The following ZBTB20 variants were observed in gnomAD, a reference collection of about 807,000 sequenced individuals.
The protein encoded by ZBTB20 is zinc finger and BTB domain containing 20.
In ZBTB20, 9 loss-of-function variants were observed where a neutral mutation model predicts 56.9. The ratio of observed to expected loss-of-function variants is 0.16; its 90% CI spans 0.10 to 0.28. ZBTB20 has a LOEUF of 0.28. Among genes scored for constraint, ZBTB20 ranks in the 10% least tolerant of loss-of-function variants. ZBTB20 has a pLI of 1.00. For missense variants in ZBTB20, 655 were observed against 1,003.0 expected, an observed-to-expected ratio of 0.65 and a Z score of 4.69; for synonymous variants, 417 against 420.7, an observed-to-expected ratio of 0.99 and a Z score of 0.11.
At chr3:114,523,466 G>A (rs1317136843) in intron 6 of ZBTB20, among the ~76,000 whole-genome samples, 1 of 152,160 alleles carries the variant, frequency 6.6e-6, no homozygotes, top group Non-Finnish European at 1.5e-5. Flanking sequence ...GTATTTTTAG[G>A]ATGAGATAAA....
At chr3:114,669,108 T>A (rs1262971589) in intron 6 of ZBTB20, among the ~76,000 whole-genome samples, 1 of 152,056 alleles carries the variant, frequency 6.6e-6, no homozygotes, top group Non-Finnish European at 1.5e-5. Flanking sequence ...ACTGGCAACA[T>A]CTGGAGACAA....
intron 6 of ZBTB20, among the ~76,000 whole-genome samples, chr3:114,623,479 T>C (rs1319600476): frequency 1.3e-5 from 2 of 152,186 alleles, no homozygotes; most frequent in Non-Finnish European, 2.9e-5. Context: ...TGCATTCTTC[T>C]GCTTGATACT....
At chr3:114,604,477 T>C (rs1184354416) in intron 6 of ZBTB20, among the ~76,000 whole-genome samples, 1 of 151,956 alleles carries the variant, frequency 6.6e-6, no homozygotes, top group Non-Finnish European at 1.5e-5. Context: ...ACCCTGGAAA[T>C]ATATAGCCTG....
At chr3:115,043,184 T>C (rs1374324587) in intron 2 of ZBTB20, among the ~76,000 whole-genome samples, 5 of 152,178 alleles carry the variant, frequency 3.3e-5, no homozygotes, top group Non-Finnish European at 7.3e-5. Flanking sequence ...AATTTCTATA[T>C]CAGAATTAAT....
At chr3:114,634,471 A>AT (rs954576374) in intron 6 of ZBTB20, among the ~76,000 whole-genome samples, 2 of 152,166 alleles carry the variant, frequency 1.3e-5, no homozygotes, top group African/African-American at 4.8e-5. Context: ...CAAATGGCAT[A>AT]TTTTTTTCAA....
chr3:114,888,466 G>T (rs1232338325), intron 4 of ZBTB20, among the ~76,000 whole-genome samples: 1 of 152,054 alleles, frequency 6.6e-6, no homozygotes, highest in East Asian at 1.9e-4. Flanking sequence ...ATCTTACAAT[G>T]ATATATGATC....
chr3:114,528,686 G>C (rs2047504931), intron 6 of ZBTB20: 1 of 152,144 alleles, frequency 6.6e-6, no homozygotes. Context: ...GGCTTTGACA[G>C]TGACTCACTG....
chr3:114,882,768 A>T (rs1290215434), intron 4 of ZBTB20, among the ~76,000 whole-genome samples: 1 of 152,122 alleles, frequency 6.6e-6, no homozygotes. Flanking sequence ...TCTCTACGCA[A>T]GTACAGTTGA....
At chr3:114,438,594 T>A (rs537874277) in intron 7 of ZBTB20, among the ~76,000 whole-genome samples, 1 of 152,272 alleles carries the variant, frequency 6.6e-6, no homozygotes, top group Admixed American at 6.5e-5. Context: ...TCAAAGAGTT[T>A]AATGGAGGAA....
intron 2 of ZBTB20, among the ~76,000 whole-genome samples, chr3:115,009,903 C>G (rs1438368505): frequency 1.3e-5 from 2 of 151,848 alleles, no homozygotes; most frequent in African/African-American, 2.4e-5. Flanking sequence ...TATACATTAC[C>G]CAGTCTGTGG....
At chr3:114,678,670 C>T (rs2061782392) in intron 6 of ZBTB20, among the ~76,000 whole-genome samples, 1 of 152,078 alleles carries the variant, frequency 6.6e-6, no homozygotes, top group African/African-American at 2.4e-5. Flanking sequence ...GAAATTTGGT[C>T]ATTAAATGGT....
intron 6 of ZBTB20, among the ~76,000 whole-genome samples, chr3:114,641,623 T>C (rs1397462833): frequency 1.3e-5 from 2 of 151,770 alleles, no homozygotes; most frequent in Admixed American, 6.6e-5. Context: ...TATTTTATTT[T>C]ACTTGTTTTT....
intron 7 of ZBTB20, among the ~76,000 whole-genome samples, chr3:114,466,464 A>C (rs879804747): frequency 1.3e-5 from 2 of 152,170 alleles, no homozygotes; most frequent in African/African-American, 2.4e-5. Context: ...ACTTTGGCCT[A>C]TTCTTTTTTA....
intron 7 of ZBTB20, among the ~76,000 whole-genome samples, chr3:114,421,807 A>AT (rs11376377): frequency 0.31 from 46,084 of 147,182 alleles, 7,460 homozygotes; most frequent in South Asian, 0.43. Context: ...AAGACTACAG[A>AT]TTTTTTTTTT....
chr3:115,137,407 T>C (rs1295677378), intron 1 of ZBTB20, among the ~76,000 whole-genome samples: 1 of 152,116 alleles, frequency 6.6e-6, no homozygotes, highest in East Asian at 1.9e-4. Context: ...TAAAGGTTAC[T>C]ATAATTCCTT....
At chr3:114,604,159 C>T (rs924878834) in intron 6 of ZBTB20, among the ~76,000 whole-genome samples, 1 of 151,786 alleles carries the variant, frequency 6.6e-6, no homozygotes, top group East Asian at 1.9e-4. Flanking sequence ...CTGAATAAAC[C>T]ATGATGCATT....
intron 6 of ZBTB20, among the ~76,000 whole-genome samples, chr3:114,655,474 G>A (rs1190787267): frequency 6.6e-6 from 1 of 150,550 alleles, no homozygotes; most frequent in African/African-American, 2.4e-5. Context: ...GGATGGTCTC[G>A]ATCTCCTGAC....
chr3:114,642,625 G>A (rs181756324), intron 6 of ZBTB20, among the ~76,000 whole-genome samples: 3 of 152,112 alleles, frequency 2.0e-5, no homozygotes, highest in Admixed American at 2.0e-4. Flanking sequence ...GAAAAAGCCT[G>A]GAAGCCTGCA....
At chr3:114,512,363 C>T (rs921271336) in intron 6 of ZBTB20, among the ~76,000 whole-genome samples, 15 of 151,946 alleles carry the variant, frequency 9.9e-5, no homozygotes, top group South Asian at 4.2e-4. Flanking sequence ...ATAGTTTTCC[C>T]GAGTCTATTA....
Sources: gnomAD v4.1 joint callset for allele counts (sites outside exome capture counted in the v4.1 genomes callset) on GRCh38, gnomAD v4.1.1 for gene constraint, MANE v1.5 for transcripts, NCBI Gene and HGNC (gene_info 2026-07-23, HGNC 2026-07-21) for gene names.